The following ACACB variants were observed in gnomAD, a reference collection of about 807,000 sequenced individuals.
ACACB encodes acetyl-CoA carboxylase beta, also known as acetyl-CoA carboxylase 2.
In ACACB, 209 loss-of-function variants were observed where a neutral mutation model predicts 278.8. The ratio of observed to expected loss-of-function variants is 0.75; its 90% CI spans 0.67 to 0.84. The LOEUF is 0.84. Among genes scored for constraint, ACACB ranks in the 40% least tolerant of loss-of-function variants. The probability of loss-of-function intolerance (pLI) is 0.00; values close to 1 mark genes in which losing one functional copy is unlikely to be tolerated. For synonymous variants in ACACB, 1,174 were observed against 1,285.6 expected (o/e 0.91, Z 1.86); for missense variants, 2,850 against 3,269.0 (o/e 0.87, Z 3.13).
intron 6 of ACACB, among the ~76,000 whole-genome samples, chr12:109,173,759 T>C (rs1008105584): frequency 6.6e-6 from 1 of 152,208 alleles, no homozygotes; most frequent in Admixed American, 6.5e-5. Flanking sequence ...ACTGAAAGTA[T>C]TTCCCATCTG....
Position 109,222,489 on chromosome 12 carries a change from C to A in ACACB, c.3565-18C>A. On this transcript the variant is annotated intron_variant, in intron 24 of 52. Transcript: ENST00000338432. ...GGGCTGGAGAAAAGCCATTTGGCTT[C>A]TTTTTCTGTCCCCTAAGGATGAGCT... 1 of 1,612,472 alleles carries A rather than the reference C, an allele frequency of 6.2e-7. No homozygotes were observed.
chr12:109,140,241 TCCTTCCTTCCTTCCA>T (rs1565857242), intron 2 of ACACB, among the ~76,000 whole-genome samples, 183 bp downstream of exon 2: 2 of 136,570 alleles, frequency 1.5e-5, no homozygotes, highest in African/African-American at 2.6e-5. Flanking sequence ...CTTCCTTCCT[TCCTTCCTTCCTTCCA>T]TCCTTCCTTC....
rs370753174 is a variant in ACACB at position 109,266,385 on chromosome 12, C to A, written c.*23C>A. On this transcript the variant is annotated 3_prime_UTR_variant, in exon 53 of 53. Transcript: ENST00000338432. ...TGACCGTGGCCCGCCCAGCCACTCC[C>A]GGGACCACGGCAAAAGGAACCACCC... The A allele has an allele frequency of 1.9e-6, 3 of 1,585,922 alleles. No individual in the cohort carries two copies. The highest frequency in any genetic ancestry group is 2.6e-6 in the Non-Finnish European group (3 of 1,168,756).
rs755967436 is a variant in ACACB, at chr12:109,216,669, G to A, written c.3402G>A (p.Leu1134=). 5 of 1,614,118 alleles carry A rather than the reference G, an allele frequency of 3.1e-6. No individual in the cohort carries two copies. In the Admixed American group the frequency reaches 6.7e-5, roughly 22 times the overall value. ...TGAAAACAGTGGTGTTGGATCTCCT[G>A]AGAAGATACTTGCGTGTTGAGCACC... is the stretch of plus-strand genomic sequence containing the variant. The part of the protein sequence containing the change: ...GYMKTVVLDL[L]RRYLRVEHHF... Residue 1134 remains leucine, a synonymous_variant, in exon 23 of 53, where the codon CTG becomes CTA. Coordinates refer to ENST00000338432, the MANE Select transcript of ACACB (RefSeq NM_001093.4).
chr12:109,203,660 C>T (rs759232268), intron 19 of ACACB, among the ~76,000 whole-genome samples: 6 of 152,226 alleles, frequency 3.9e-5, no homozygotes, highest in Non-Finnish European at 8.8e-5. Context: ...GTGCCGGGGG[C>T]GTCCCCCTGT....
intron 31 of ACACB, among the ~76,000 whole-genome samples, chr12:109,234,770 G>A (rs2046583519): frequency 6.6e-6 from 1 of 151,496 alleles, no homozygotes; most frequent in Admixed American, 6.6e-5. Context: ...TGGGCAGAGG[G>A]AGGGTAACAA....
At chr12:109,185,440 C>T in intron 11 of ACACB, 139 bp from the exon 12 acceptor site, 1 of 883,872 alleles carries the variant, frequency 1.1e-6, no homozygotes, top group Non-Finnish European at 1.7e-6. Context: ...CACAGTAGAG[C>T]ACCATGTTGT....
chr12:109,111,412 A>C, the ACACB span: 1 of 152,208 alleles, frequency 6.6e-6, no homozygotes, highest in Non-Finnish European at 1.5e-5. Flanking sequence ...GGAACTCGGA[A>C]GTGAGGCCAG....
Position 109,131,923 on chromosome 12 carries a change from C to A in ACACB, c.-9-7474C>A, listed in dbSNP as rs544871354. 3.9e-5 allele frequency among the ~76,000 whole-genome samples: 6 copies of A among 152,230 alleles called. No homozygotes were observed. The East Asian group carries it at 1.2e-3, about 29-fold the overall frequency. On this transcript the variant is annotated intron_variant, in intron 1 of 52. Transcript: ENST00000338432. ...GCCCCCCCACGCCACCGTCTGGCACCGTTAGTTTGCATGTCGATCTGCGGC... is the reference window on the plus strand; with the variant it reads ...GCCCCCCCACGCCACCGTCTGGCACAGTTAGTTTGCATGTCGATCTGCGGC...
At chr12:109,257,234 A>T (rs1419833841) in intron 45 of ACACB, among the ~76,000 whole-genome samples, 1 of 152,042 alleles carries the variant, frequency 6.6e-6, no homozygotes, top group Non-Finnish European at 1.5e-5. Flanking sequence ...AGATTGCGCC[A>T]TTGCACTCCA....
Position 109,199,462 on chromosome 12 carries a change from C to G in ACACB, c.2688C>G (p.Val896=). The change falls in exon 18 of 53, where the codon GTC becomes GTG. Residue 896 remains valine (V), a synonymous_variant. Coordinates refer to ENST00000338432, the MANE Select transcript of ACACB (RefSeq NM_001093.4). ...CVFEKENDPT[V]LRSPSAGKLT... ...TTGAGAAGGAGAACGATCCTACAGT[C>G]CTGAGATCCCCCTCGGCTGGGAAGC... is the stretch of plus-strand genomic sequence containing the variant. The G allele has an allele frequency of 6.4e-7, 1 of 1,565,912 alleles. No homozygotes were observed. The highest frequency in any genetic ancestry group is 2.5e-5 in the East Asian group (1 of 40,718).
intron 16 of ACACB, among the ~76,000 whole-genome samples, chr12:109,196,350 A>G (rs2284693): frequency 0.93 from 141,778 of 152,248 alleles, 66,173 homozygotes; most frequent in African/African-American, 0.98. Context: ...CCACACACTG[A>G]ATTTCTCACA....
intron 19 of ACACB, among the ~76,000 whole-genome samples, chr12:109,203,586 C>T (rs1297866263): frequency 6.6e-6 from 1 of 152,240 alleles, no homozygotes; most frequent in Non-Finnish European, 1.5e-5. Flanking sequence ...GTGCCAAAAA[C>T]AGGGCCTAGT....
intron 40 of ACACB, chr12:109,249,057 C>G (rs995528856): frequency 3.3e-5 from 5 of 152,196 alleles, no homozygotes; most frequent in African/African-American, 9.7e-5. Flanking sequence ...AGGTCTCAAT[C>G]AATTGAGAAG....
intron 21 of ACACB, among the ~76,000 whole-genome samples, chr12:109,210,385 G>C (rs1428283158): frequency 3.3e-5 from 4 of 122,616 alleles, no homozygotes; most frequent in African/African-American, 1.2e-4. Flanking sequence ...GCACACACAT[G>C]TGTATATATG....
chr12:109,166,940 G>A lies in ACACB; in HGVS notation c.733G>A (p.Ala245Thr). The change falls in exon 3 of 53, where the codon GCT becomes ACT. Residue 245 changes from alanine (A) to threonine (T), a missense_variant. Transcript: ENST00000338432. Reference sequence around the variant, plus strand: ...GGACCTGCACAGAGACTTTACCGTGGCTTCTCCCGCTGAGTTTGTCACACG... The same window carrying A: ...GGACCTGCACAGAGACTTTACCGTGACTTCTCCCGCTGAGTTTGTCACACG... The part of the protein sequence containing the change: ...KLDLHRDFTV[A>T]SPAEFVTRFG... 2 of 1,614,032 alleles carry A rather than the reference G, an allele frequency of 1.2e-6. No individual in the cohort carries two copies. The highest frequency in any genetic ancestry group is 1.7e-6 in the Non-Finnish European group (2 of 1,180,020).
At chr12:109,234,284 C>T (rs1031918060) in intron 31 of ACACB, among the ~76,000 whole-genome samples, 4 of 152,160 alleles carry the variant, frequency 2.6e-5, no homozygotes, top group Non-Finnish European at 5.9e-5. Flanking sequence ...AGTATATACA[C>T]GGCTTAGCCA....
At chr12:109,235,519 ATCGTT>A in intron 32 of ACACB, 82 bp from the exon 33 acceptor site, 1 of 1,434,514 alleles carries the variant, frequency 7.0e-7, no homozygotes, top group Non-Finnish European at 9.8e-7. Context: ...AGTGAATGTA[ATCGTT>A]TACAATCACT....
intron 1 of ACACB, among the ~76,000 whole-genome samples, chr12:109,133,863 A>ATATATATATATTTTT (rs55881936): frequency 1.4e-5 from 1 of 70,656 alleles, no homozygotes; most frequent in Non-Finnish European, 2.5e-5. Context: ...ATATATATAT[A>ATATATATATATTTTT]TTTTTTTTTT....
Sources: allele counts gnomAD v4.1 joint callset (sites outside exome capture counted in the v4.1 genomes callset), GRCh38; gene constraint gnomAD v4.1.1; transcripts MANE v1.5; gene names NCBI Gene and HGNC (gene_info 2026-07-23, HGNC 2026-07-21).